EIPR1: variants seen among roughly 807,000 people sequenced by gnomAD.
EIPR1 encodes EARP complex and GARP complex interacting protein 1, also known as EARP and GARP complex-interacting protein 1.
A neutral mutation model predicts 48.1 loss-of-function variants in EIPR1; 25 were observed. The ratio of observed to expected loss-of-function variants is 0.52; its 90% CI spans 0.38 to 0.73. EIPR1 has a LOEUF of 0.73. Ranked by LOEUF, EIPR1 falls within the 30% of genes least tolerant of loss-of-function variation. The probability of loss-of-function intolerance (pLI) is 0.00; values close to 1 mark genes in which losing one functional copy is unlikely to be tolerated. For missense variants in EIPR1, 415 were observed against 506.2 expected, an observed-to-expected ratio of 0.82 and a Z score of 1.73; for synonymous variants, 204 against 201.9, an observed-to-expected ratio of 1.01 and a Z score of -0.09.
intron 3 of EIPR1, among the ~76,000 whole-genome samples, chr2:3,313,039 A>G (rs569114477): frequency 1.3e-5 from 2 of 152,278 alleles, no homozygotes; most frequent in African/African-American, 4.8e-5. Flanking sequence ...ACAAATCTAC[A>G]AGAAAGGTAC....
intron 3 of EIPR1, chr2:3,298,539 G>T (rs894488020): frequency 6.6e-6 from 1 of 152,038 alleles, no homozygotes; most frequent in Non-Finnish European, 1.5e-5. Context: ...TTACGATCTC[G>T]ATGGTGTTGG....
chr2:3,276,999 A>G (rs566047081), intron 3 of EIPR1, among the ~76,000 whole-genome samples: 36 of 152,360 alleles, frequency 2.4e-4, no homozygotes, highest in African/African-American at 8.7e-4. Context: ...AGTTACGGGT[A>G]CTGTGTAATC....
chr2:3,299,351 G>A (rs776531730), intron 3 of EIPR1, among the ~76,000 whole-genome samples: 63 of 135,082 alleles, frequency 4.7e-4, no homozygotes, highest in Non-Finnish European at 7.2e-4. Flanking sequence ...TGCAGTGCTC[G>A]GCCCTGGGTC....
intron 5 of EIPR1, among the ~76,000 whole-genome samples, chr2:3,206,479 A>G (rs1665240527): frequency 1.3e-5 from 2 of 152,208 alleles, no homozygotes; most frequent in Non-Finnish European, 2.9e-5. Context: ...GGAAGAGTAG[A>G]GCCTTCCTGT....
intron 3 of EIPR1, among the ~76,000 whole-genome samples, chr2:3,291,127 C>A (rs1668352313): frequency 6.6e-6 from 1 of 152,194 alleles, no homozygotes; most frequent in Non-Finnish European, 1.5e-5. Flanking sequence ...GATGTTAGCC[C>A]CACAGCAGCA....
At chr2:3,373,453 C>T (rs367562000) in intron 1 of EIPR1, among the ~76,000 whole-genome samples, 101 of 151,902 alleles carry the variant, frequency 6.6e-4, no homozygotes, top group African/African-American at 1.9e-3. Flanking sequence ...TGTTTGCAGA[C>T]GACATGATTG....
At chr2:3,299,624 T>TCACA (rs3064647) in intron 3 of EIPR1, among the ~76,000 whole-genome samples, 3,091 of 136,756 alleles carry the variant, frequency 0.023, 95 homozygotes, top group African/African-American at 0.066. Context: ...TCTCTCTCTC[T>TCACA]CACACACACA....
chr2:3,258,309 C>A (rs1667226930), intron 3 of EIPR1, among the ~76,000 whole-genome samples: 1 of 147,618 alleles, frequency 6.8e-6, no homozygotes, highest in Middle Eastern at 3.4e-3. Context: ...TTAGATTTAA[C>A]ATTGAATTCT....
At chr2:3,348,881 G>A in intron 2 of EIPR1, among the ~76,000 whole-genome samples, 1 of 152,236 alleles carries the variant, frequency 6.6e-6, no homozygotes, top group East Asian at 1.9e-4. Flanking sequence ...TGTCACAGAA[G>A]GCAGGGGCAG....
chr2:3,193,161 GCAC>G (rs1310917352), intron 7 of EIPR1, among the ~76,000 whole-genome samples: 1 of 152,246 alleles, frequency 6.6e-6, no homozygotes, highest in African/African-American at 2.4e-5. Flanking sequence ...GCTAGGAGGT[GCAC>G]CCAGCATGGC....
At chr2:3,244,867 C>T (rs1188186957) in intron 4 of EIPR1, among the ~76,000 whole-genome samples, 5 of 152,200 alleles carry the variant, frequency 3.3e-5, no homozygotes, top group African/African-American at 1.2e-4. Context: ...CTAAAACACC[C>T]ATTTGCTTCA....
chr2:3,280,055 C>T (rs1183582509), intron 3 of EIPR1, among the ~76,000 whole-genome samples: 1 of 152,194 alleles, frequency 6.6e-6, no homozygotes, highest in Non-Finnish European at 1.5e-5. Flanking sequence ...CTATGGAGCC[C>T]ATTCTGGTTC....
chr2:3,247,427 C>G (rs1258773308), intron 4 of EIPR1, among the ~76,000 whole-genome samples: 1 of 152,166 alleles, frequency 6.6e-6, no homozygotes, highest in South Asian at 2.1e-4. Context: ...AATCAGCCAT[C>G]GAACCAATGG....
At position 3,307,390 on chromosome 2, in the gene EIPR1, G is replaced by A. The variant is rs573812571; in HGVS notation, c.259+30627C>T. On this transcript the variant is annotated intron_variant, in intron 3 of 8. Coordinates refer to ENST00000382125, the MANE Select transcript of EIPR1 (RefSeq NM_003310.5). ...TCCCGGCCCCAAGCCAGAGGTAGAG[G>A]GCATTGGGGTGGGTGCCTCCCTTCC... is the stretch of plus-strand genomic sequence containing the variant. Among the ~76,000 whole-genome samples, 276 of 152,340 alleles carry A rather than the reference G, an allele frequency of 1.8e-3. 1 individual carries two copies. Among genetic ancestry groups the A allele is most frequent in the African/African-American group, 6.3e-3 (263 of 41,586 alleles).
chr2:3,208,629 G>A, intron 5 of EIPR1: 2 of 1,550,600 alleles, frequency 1.3e-6, no homozygotes, highest in South Asian at 1.2e-5. Flanking sequence ...TTTGGCCATG[G>A]CATTCTGGTA....
intron 1 of EIPR1, among the ~76,000 whole-genome samples, chr2:3,376,420 C>T (rs1030980451): frequency 1.3e-5 from 2 of 152,112 alleles, no homozygotes; most frequent in Non-Finnish European, 2.9e-5. Flanking sequence ...TGGCCAGGTG[C>T]GGTGGCTCAC....
Position 3,361,959 on chromosome 2 carries a change from C to T in EIPR1, c.43-7326G>A, listed in dbSNP as rs1429134669. Among the ~76,000 whole-genome samples the T allele has an allele frequency of 3.3e-5, 5 of 152,220 alleles. No individual in the cohort carries two copies. In the East Asian group the frequency reaches 7.7e-4, roughly 23 times the overall value. ...CACCTACATTTTTGCTTCTGGAGTT[C>T]GATTCTGACTTTTCTCATCCACACC... On this transcript the variant is annotated intron_variant, in intron 1 of 8. Coordinates refer to ENST00000382125, the MANE Select transcript of EIPR1 (RefSeq NM_003310.5).
intron 2 of EIPR1, among the ~76,000 whole-genome samples, chr2:3,339,835 AGCTACTC>A (rs1670179024): frequency 6.6e-6 from 1 of 152,216 alleles, no homozygotes; most frequent in Non-Finnish European, 1.5e-5. Context: ...CTGTAGTCCC[AGCTACTC>A]GGGAGGCTGA....
intron 1 of EIPR1, among the ~76,000 whole-genome samples, chr2:3,376,124 A>C (rs887387678): frequency 1.3e-5 from 2 of 151,888 alleles, no homozygotes; most frequent in Non-Finnish European, 2.9e-5. Flanking sequence ...AGGAAAAAAA[A>C]GGAATTTTCT....
Sources: gnomAD v4.1 joint callset for allele counts (sites outside exome capture counted in the v4.1 genomes callset) on GRCh38, gnomAD v4.1.1 for gene constraint, MANE v1.5 for transcripts, NCBI Gene and HGNC (gene_info 2026-07-23, HGNC 2026-07-21) for gene names.